Variants in TRAPPC14 observed in about 807,000 individuals in gnomAD.
TRAPPC14 encodes microtubule associated protein 11.
A neutral mutation model predicts 56.6 loss-of-function variants in TRAPPC14; 24 were observed. The ratio of observed to expected loss-of-function variants is 0.42; its 90% CI spans 0.31 to 0.60. The LOEUF (loss-of-function observed/expected upper bound fraction) is 0.60. TRAPPC14 is among the 20% of genes least tolerant of loss of function. The probability of loss-of-function intolerance (pLI) is 0.14; values close to 1 mark genes in which losing one functional copy is unlikely to be tolerated. For synonymous variants in TRAPPC14, 377 were observed against 347.0 expected (o/e 1.09, Z -0.96); for missense variants, 615 against 790.3 (o/e 0.78, Z 2.66).
chr7:100,154,932 A>G lies in TRAPPC14; in HGVS notation c.*79T>C. The G allele has an allele frequency of 1.4e-6, 2 of 1,447,538 alleles. No individual in the cohort carries two copies. Among genetic ancestry groups the G allele is most frequent in the Non-Finnish European group, 1.9e-6 (2 of 1,030,280 alleles). The allele number at this position is 1,447,538 out of a possible 1,614,324, so 89.7% of individuals were successfully genotyped here. ...CCCCGTCTGGGAGGCATCCCAGGGG[A>G]GGCACAGCCCGGGAGCAGGGATCCC... is the stretch of plus-strand genomic sequence containing the variant. On this transcript the variant is annotated 3_prime_UTR_variant, in exon 11 of 11. Transcript: ENST00000316937.
At position 100,157,866 on chromosome 7, in the gene TRAPPC14, G is replaced by T; in HGVS notation, c.484C>A (p.Pro162Thr). ...FPLTVSLDRL[P>T]PGTPKAKIVV... is the part of the protein sequence containing the mutation. ...ACCTTGGCCTTAGGTGTCCCTGGGG[G>T]CAGTCTATCCAGTGAAACGGTGAGT... Residue 162 changes from proline (P) to threonine (T), a missense_variant, in exon 2 of 11, where the codon CCC (proline) becomes ACC (threonine). Physicochemically the swap from Pro to Thr is conservative, Grantham distance 38. Transcript: ENST00000316937. 6.3e-7 allele frequency: 1 copy of T among 1,586,838 alleles called. No homozygotes were observed. The highest frequency in any genetic ancestry group is 8.6e-7 in the Non-Finnish European group (1 of 1,164,328).
intron 8 of TRAPPC14, chr7:100,156,065 G>T (rs1329720841): frequency 2.9e-6 from 2 of 689,212 alleles, no homozygotes; most frequent in Non-Finnish European, 5.3e-6. Context: ...TATTTTAAAG[G>T]TGAGGACTCT....
At position 100,156,942 on chromosome 7, in the gene TRAPPC14, G is replaced by A. The variant is rs775759969; in HGVS notation, c.896C>T (p.Thr299Ile). The part of the protein sequence containing the change: ...SMGSFCRLPG[T>I]SGCFPCPLNA... ...CAGCGGGCAGGGGAAGCAGCCAGAG[G>A]TCCCGGGTAGGCGGCAGAAGGAGCC... Residue 299 changes from threonine to isoleucine, a missense_variant, in exon 6 of 11, where the codon ACC becomes ATC. Thr to Ile is a moderately conservative substitution (Grantham distance 89). Coordinates refer to ENST00000316937, the MANE Select transcript of TRAPPC14 (RefSeq NM_018275.5). 6.2e-7 allele frequency: 1 copy of A among 1,613,924 alleles called. No homozygotes were observed. Among genetic ancestry groups the A allele is most frequent in the Non-Finnish European group, 8.5e-7 (1 of 1,180,026 alleles).
At chr7:100,155,529 T>C (rs1798860126) in intron 9 of TRAPPC14, 74 bp from the exon 10 acceptor site, 17 of 1,506,912 alleles carry the variant, frequency 1.1e-5, no homozygotes, top group African/African-American at 1.4e-5. Flanking sequence ...GTCTTCCCCA[T>C]GTGACAGACT....
chr7:100,155,312 G>A lies in TRAPPC14; in HGVS notation c.1539C>T (p.Gly513=). ...GCTGGTGGGAGAAGGACTGGGAGCG[G>A]CCCAGGCTAGCCTGATGCCTCTCCA... ...DLVERHQASL[G]RSQSFSHQQP... Residue 513 remains glycine (G), a synonymous_variant, in exon 10 of 11, where the codon GGC becomes GGT. Coordinates refer to ENST00000316937, the MANE Select transcript of TRAPPC14 (RefSeq NM_018275.5). 6.4e-7 allele frequency: 1 copy of A among 1,554,636 alleles called. No homozygotes were observed. The highest frequency in any genetic ancestry group is 8.7e-7 in the Non-Finnish European group (1 of 1,149,666).
intron 8 of TRAPPC14, chr7:100,156,167 CTA>C (rs1798876419): frequency 1.6e-6 from 1 of 611,490 alleles, no homozygotes; most frequent in African/African-American, 1.8e-5. Context: ...GCTCCAGTGT[CTA>C]TGCCCTGAAA....
intron 10 of TRAPPC14, 30 bp downstream of exon 10, chr7:100,155,232 G>C: frequency 1.3e-6 from 2 of 1,592,086 alleles, no homozygotes; most frequent in South Asian, 1.1e-5. Flanking sequence ...TCCTCTACCC[G>C]GTCCCATGCC....
In TRAPPC14 at chr7:100,156,858, G is replaced by A; in HGVS notation, c.980C>T (p.Pro327Leu). 1 of 1,614,098 alleles carries A rather than the reference G, an allele frequency of 6.2e-7. No homozygotes were observed. Among genetic ancestry groups the A allele is most frequent in the Non-Finnish European group, 8.5e-7 (1 of 1,180,014 alleles). The change falls in exon 6 of 11, where the codon CCA (proline) becomes CTA (leucine). Residue 327 changes from proline (P) to leucine (L), a missense_variant. Coordinates refer to ENST00000316937, the MANE Select transcript of TRAPPC14 (RefSeq NM_018275.5). ...CCTTATGCTCACCTCCTTGGCCCCT[G>A]GAGGGGGCTGCTCACCCCCTCTCAG... ...FQLRGGEQPP[P>L]GAKEGLEVPL...
rs201639216 is a variant in TRAPPC14 at position 100,156,413 on chromosome 7, C to T, written c.1213G>A (p.Val405Met). ...NLQDFLAVRL[V>M]WTPEHAQAGK... ...GCCTGTGCATGCTCTGGGGTCCACA[C>T]GAGCCTCACAGCAAGGAAGTCTTGG... The change falls in exon 8 of 11, where the codon GTG (valine) becomes ATG (methionine). Residue 405 changes from valine (V) to methionine (M), a missense_variant. Val to Met is a conservative substitution (Grantham distance 21). Coordinates refer to ENST00000316937, the MANE Select transcript of TRAPPC14 (RefSeq NM_018275.5). 15 of 1,614,044 alleles carry T rather than the reference C, an allele frequency of 9.3e-6. No homozygotes were observed. The highest frequency in any genetic ancestry group is 4.4e-5 in the South Asian group (4 of 91,092).
Position 100,157,358 on chromosome 7 carries a change from G to C in TRAPPC14, c.724+15C>G, listed in dbSNP as rs767409174. ...CTTGTTGCTCCCGGAGGCTGGAGCCGGCAGCCCTGCTTACCCTTGAGCACG... is the reference window on the plus strand; with the variant it reads ...CTTGTTGCTCCCGGAGGCTGGAGCCCGCAGCCCTGCTTACCCTTGAGCACG... On this transcript the variant is annotated intron_variant, in intron 4 of 10. Transcript: ENST00000316937. 2.5e-6 allele frequency: 4 copies of C among 1,613,550 alleles called. No individual in the cohort carries two copies. The highest frequency in any genetic ancestry group is 3.3e-5 in the Admixed American group (2 of 59,988).
rs536485612 is a variant in TRAPPC14, at chr7:100,158,169, C to A, written c.331G>T (p.Gly111Trp). The A allele has an allele frequency of 1.3e-4, 195 of 1,449,918 alleles. 1 individual carries two copies. Among genetic ancestry groups the A allele is most frequent in the South Asian group, 8.5e-4 (61 of 72,078 alleles). 89.8% of individuals were successfully genotyped at this position (1,449,918 alleles called of 1,614,324 possible). ...CAGCCTCGGAACAAACCCCCACCCC[C>A]AGGATCCCCTCCCCCTGGGGGCTCC... The part of the protein sequence containing the change: ...DSEPPGGGDP[G>W]GGGLFRGCSP... Residue 111 changes from glycine to tryptophan, a missense_variant, in exon 1 of 11, where the codon GGG becomes TGG. Gly to Trp is a radical substitution (Grantham distance 184, BLOSUM62 -2). Transcript: ENST00000316937.
intron 8 of TRAPPC14, 111 bp from the exon 9 acceptor site, chr7:100,155,936 G>A (rs776399087): frequency 7.3e-7 from 1 of 1,361,404 alleles, no homozygotes; most frequent in East Asian, 2.3e-5. Context: ...AGTAAACTGA[G>A]CAAACGTTAT....
In TRAPPC14 at chr7:100,154,557, T is replaced by C. The variant is rs2116955501; in HGVS notation, c.*454A>G. ...AACGTAAACATAAGGGGCAGGAGGC[T>C]ACCTGGCCCTGTCCCCAACCCCTGA... On this transcript the variant is annotated 3_prime_UTR_variant, in exon 11 of 11. Coordinates refer to ENST00000316937, the MANE Select transcript of TRAPPC14 (RefSeq NM_018275.5). The C allele has an allele frequency of 4.9e-6, 1 of 202,608 alleles. No individual in the cohort carries two copies. Among genetic ancestry groups the C allele is most frequent in the Non-Finnish European group, 1.0e-5 (1 of 98,894 alleles). The allele number at this position is 202,608 out of a possible 1,614,324, so 12.6% of individuals were successfully genotyped here. A position where few individuals can be genotyped will look rare whatever the true frequency, so the allele number is the denominator to read the frequency against.
At chr7:100,155,203 G>T (rs202148754) in intron 10 of TRAPPC14, 39 bp from the exon 11 acceptor site, 1 of 1,606,774 alleles carries the variant, frequency 6.2e-7, no homozygotes. Flanking sequence ...GGTCAGACCC[G>T]GCACCCTCGC....
rs945845318 is a variant in TRAPPC14 at position 100,155,459 on chromosome 7, G to C, written c.1396-4C>G. 2.2e-5 allele frequency: 34 copies of C among 1,521,580 alleles called. No homozygotes were observed. Among genetic ancestry groups the C allele is most frequent in the Middle Eastern group, 1.7e-4 (1 of 5,764 alleles). The allele number at this position is 1,521,580 out of a possible 1,614,324, so 94.3% of individuals were successfully genotyped here. On this transcript the variant is annotated splice_polypyrimidine_tract_variant and splice_region_variant and intron_variant, in intron 9 of 10. Coordinates refer to ENST00000316937, the MANE Select transcript of TRAPPC14 (RefSeq NM_018275.5). ...TCAGTTTCATGTGCTGGCTTAGCTG[G>C]GGGGAGACACAGGTCAGCATGCCAG...
In TRAPPC14 at chr7:100,155,445, T is replaced by C. The variant is rs1249208378; in HGVS notation, c.1406A>G (p.His469Arg). The part of the protein sequence containing the change: ...LRTGLFELSQ[H>R]MKLKLQFTAS... ...GGTGAACTGCAGCTTCAGTTTCATG[T>C]GCTGGCTTAGCTGGGGGGAGACACA... Residue 469 changes from histidine to arginine, a missense_variant, in exon 10 of 11, where the codon CAC becomes CGC. By Grantham distance (29) the His-to-Arg change is conservative. Coordinates refer to ENST00000316937, the MANE Select transcript of TRAPPC14 (RefSeq NM_018275.5). The C allele has an allele frequency of 1.3e-6, 2 of 1,524,352 alleles. No individual in the cohort carries two copies. Among genetic ancestry groups the C allele is most frequent in the Non-Finnish European group, 1.8e-6 (2 of 1,133,570 alleles). The allele number at this position is 1,524,352 out of a possible 1,614,324, so 94.4% of individuals were successfully genotyped here. A position where few individuals can be genotyped will look rare whatever the true frequency, so the allele number is the denominator to read the frequency against.
chr7:100,156,670 T>C lies in TRAPPC14; in HGVS notation c.1040A>G (p.Lys347Arg), dbSNP rs1798887815. 6.2e-7 allele frequency: 1 copy of C among 1,612,698 alleles called. No individual in the cohort carries two copies. The highest frequency in any genetic ancestry group is 1.7e-5 in the Admixed American group (1 of 59,828). ...LIAVVQWSTPKLPFTQSIYTH... is the reference protein window; with the variant it reads ...LIAVVQWSTPRLPFTQSIYTH... ...GTAGATGCTCTGAGTGAAGGGCAGC[T>C]TTGGGGTAGACCACTGAACCACAGC... Residue 347 changes from lysine (K) to arginine (R), a missense_variant, in exon 7 of 11, where the codon AAG (lysine) becomes AGG (arginine). Physicochemically the swap from Lys to Arg is conservative, Grantham distance 26. Transcript: ENST00000316937.
chr7:100,155,121 C>G lies in TRAPPC14; in HGVS notation c.1633G>C (p.Ala545Pro). 6.2e-7 allele frequency: 1 copy of G among 1,613,438 alleles called. No individual in the cohort carries two copies. The highest frequency in any genetic ancestry group is 8.5e-7 in the Non-Finnish European group (1 of 1,179,652). Residue 545 changes from alanine to proline, a missense_variant, in exon 11 of 11, where the codon GCC (alanine) becomes CCC (proline). Ala to Pro is a conservative substitution (Grantham distance 27, BLOSUM62 -1). Coordinates refer to ENST00000316937, the MANE Select transcript of TRAPPC14 (RefSeq NM_018275.5). ...TAGAGGGGGCGGCCAACAGGAGAGG[C>G]CACAGGGGGCGTGATGGCTCTGCGC... is the stretch of plus-strand genomic sequence containing the variant. ...MERRAITPPV[A>P]SPVGRPLYLP...
Position 100,155,132 on chromosome 7 carries a change from G to A in TRAPPC14, c.1622C>T (p.Thr541Met). 1.2e-6 allele frequency: 2 copies of A among 1,613,204 alleles called. No homozygotes were observed. The highest frequency in any genetic ancestry group is 1.1e-5 in the South Asian group (1 of 90,994). Residue 541 changes from threonine (T) to methionine (M), a missense_variant, in exon 11 of 11, where the codon ACG becomes ATG. Coordinates refer to ENST00000316937, the MANE Select transcript of TRAPPC14 (RefSeq NM_018275.5). The part of the protein sequence containing the change: ...SGSVMERRAI[T>M]PPVASPVGRP... ...GCCAACAGGAGAGGCCACAGGGGGC[G>A]TGATGGCTCTGCGCTCCATCACACT...
Sources: gnomAD v4.1 joint callset for allele counts on GRCh38, gnomAD v4.1.1 for gene constraint, MANE v1.5 for transcripts, NCBI Gene and HGNC (gene_info 2026-07-23, HGNC 2026-07-21) for gene names.